GALR1: variants seen among roughly 807,000 people sequenced by gnomAD.
GALR1 encodes galanin receptor type 1.
In GALR1, 11 loss-of-function variants were observed where a neutral mutation model predicts 17.9. The ratio of observed to expected loss-of-function variants is 0.62; its 90% CI spans 0.39 to 1.02. GALR1 has a LOEUF of 1.02. Ranked by LOEUF, GALR1 falls within the 50% of genes least tolerant of loss-of-function variation. The probability of loss-of-function intolerance (pLI) is 0.01; values close to 1 mark genes in which losing one functional copy is unlikely to be tolerated. For missense variants in GALR1, 441 were observed against 456.9 expected, an observed-to-expected ratio of 0.97 and a Z score of 0.32; for synonymous variants, 206 against 205.7, an observed-to-expected ratio of 1.00 and a Z score of -0.01.
chr18:77,265,716 G>A lies in GALR1; in HGVS notation c.733-2869G>A, dbSNP rs139125557. 5.4e-3 allele frequency among the ~76,000 whole-genome samples: 815 copies of A among 152,266 alleles called. 36 individuals are homozygous for A. Among genetic ancestry groups the A allele is most frequent in the Admixed American group, 0.049 (750 of 15,292 alleles). ...TCCCCAACCTCAATTCTTGACTTCC[G>A]TGCACCTGCAGGCCCAACCTCATGG... On this transcript the variant is annotated intron_variant, in intron 2 of 2. Transcript: ENST00000299727.
rs112026292 is a variant in GALR1 at position 77,255,459 on chromosome 18, G to A, written c.667-699G>A. 8.6e-3 allele frequency among the ~76,000 whole-genome samples: 1,317 copies of A among 152,262 alleles called. 10 individuals carry two copies. Among genetic ancestry groups the A allele is most frequent in the South Asian group, 0.03 (145 of 4,822 alleles). ...AAATGTTCTGTAAATCATCAGTGAC[G>A]CTGAATCCCCAATAAGTTGTCTGAA... On this transcript the variant is annotated intron_variant, in intron 1 of 2. Transcript: ENST00000299727.
Position 77,250,761 on chromosome 18 carries a change from C to T in GALR1, c.213C>T (p.Asn71=). 6.2e-7 allele frequency: 1 copy of T among 1,613,996 alleles called. No individual in the cohort carries two copies. The highest frequency in any genetic ancestry group is 8.5e-7 in the Non-Finnish European group (1 of 1,180,002). The part of the protein sequence containing the change: ...SKPGKPRSTT[N]LFILNLSIAD... Reference sequence around the variant, plus strand: ...CGGGCAAGCCGCGGAGCACCACCAACCTGTTCATCCTCAACCTGAGCATCG... The same window carrying T: ...CGGGCAAGCCGCGGAGCACCACCAATCTGTTCATCCTCAACCTGAGCATCG... The change falls in exon 1 of 3, where the codon AAC becomes AAT. Residue 71 remains asparagine, a synonymous_variant. Transcript: ENST00000299727.
In GALR1 at chr18:77,269,981, AT is replaced by A. The variant is rs1392955226; in HGVS notation, c.*1080del. ...TTCATTAAATTTGTAATGATGTTTA[AT>A]GAACATTTCCACCAAACATTATTTC... On this transcript the variant is annotated 3_prime_UTR_variant, in exon 3 of 3. Transcript: ENST00000299727. 2 of 152,218 alleles carry A rather than the reference AT, an allele frequency of 1.3e-5. No homozygotes were observed. The highest frequency in any genetic ancestry group is 2.9e-5 in the Non-Finnish European group (2 of 68,032). The allele number at this position is 152,218 out of a possible 1,614,324, so 9.4% of individuals were successfully genotyped here. A position where few individuals can be genotyped will look rare whatever the true frequency, so the allele number is the denominator to read the frequency against.
intron 2 of GALR1, among the ~76,000 whole-genome samples, chr18:77,262,462 G>C (rs1912853669): frequency 6.6e-6 from 1 of 152,204 alleles, no homozygotes; most frequent in South Asian, 2.1e-4. Flanking sequence ...TCCGTTGCAA[G>C]GGAAGAATGA....
At chr18:77,253,034 T>A (rs867514280) in intron 1 of GALR1, among the ~76,000 whole-genome samples, 2 of 43,926 alleles carry the variant, frequency 4.6e-5, no homozygotes, top group Admixed American at 2.7e-4. Flanking sequence ...ATCACCACCA[T>A]CACCACCACC....
chr18:77,252,981 CACCACCAT>C, intron 1 of GALR1, among the ~76,000 whole-genome samples: 1 of 64,764 alleles, frequency 1.5e-5, no homozygotes, highest in African/African-American at 5.5e-5. Flanking sequence ...TCACCACCAT[CACCACCAT>C]CACCACCACC....
rs1390255395 is a variant in GALR1, at chr18:77,250,651, G to C, written c.103G>C (p.Val35Leu). 6.2e-7 allele frequency: 1 copy of C among 1,606,560 alleles called. No individual in the cohort carries two copies. ...PLFGIGVENFVTLVVFGLIFA... is the reference protein window; with the variant it reads ...PLFGIGVENFLTLVVFGLIFA... ...GTTCGGCATCGGCGTGGAGAACTTC[G>C]TCACGCTGGTGGTGTTCGGCCTGAT... The change falls in exon 1 of 3, where the codon GTC becomes CTC. Residue 35 changes from valine to leucine, a missense_variant. Transcript: ENST00000299727.
rs116263646 is a variant in GALR1, at chr18:77,271,251, C to G, written c.*2349C>G. Reference sequence around the variant, plus strand: ...AGTAATAGCTTGCGCTTGAAACCCCCCCCCCCCCGCCACTTTGCTAAATGT... The same window carrying G: ...AGTAATAGCTTGCGCTTGAAACCCCGCCCCCCCCGCCACTTTGCTAAATGT... On this transcript the variant is annotated 3_prime_UTR_variant, in exon 3 of 3. Transcript: ENST00000299727. 21 of 124,206 alleles carry G rather than the reference C, an allele frequency of 1.7e-4. No individual in the cohort carries two copies. The East Asian group carries it at 1.7e-3, about 10-fold the overall frequency. 7.7% of individuals were successfully genotyped at this position (124,206 alleles called of 1,614,324 possible).
chr18:77,250,764 G>C lies in GALR1; in HGVS notation c.216G>C (p.Leu72=), dbSNP rs752996825. The C allele has an allele frequency of 1.2e-5, 20 of 1,613,982 alleles. No individual in the cohort carries two copies. Among genetic ancestry groups the C allele is most frequent in the Non-Finnish European group, 1.6e-5 (19 of 1,180,016 alleles). ...KPGKPRSTTN[L]FILNLSIADL... Reference sequence around the variant, plus strand: ...GCAAGCCGCGGAGCACCACCAACCTGTTCATCCTCAACCTGAGCATCGCCG... The same window carrying C: ...GCAAGCCGCGGAGCACCACCAACCTCTTCATCCTCAACCTGAGCATCGCCG... Residue 72 remains leucine, a synonymous_variant, in exon 1 of 3, where the codon CTG becomes CTC. Coordinates refer to ENST00000299727, the MANE Select transcript of GALR1 (RefSeq NM_001480.4).
intron 1 of GALR1, among the ~76,000 whole-genome samples, chr18:77,252,338 C>G (rs1912437547): frequency 6.6e-6 from 1 of 152,232 alleles, no homozygotes; most frequent in African/African-American, 2.4e-5. Context: ...TTACCAGTTC[C>G]ACCCGACTTC....
chr18:77,263,198 A>G (rs1039971571), intron 2 of GALR1, among the ~76,000 whole-genome samples: 1 of 152,220 alleles, frequency 6.6e-6, no homozygotes, highest in Non-Finnish European at 1.5e-5. Flanking sequence ...TTATATCTAG[A>G]TTGTTTTGAT....
rs559599847 is a variant in GALR1 at position 77,261,984 on chromosome 18, C to T, written c.732+5761C>T. Among the ~76,000 whole-genome samples, 70 of 152,086 alleles carry T rather than the reference C, an allele frequency of 4.6e-4. No individual in the cohort carries two copies. The South Asian group carries it at 0.011, about 25-fold the overall frequency. ...GACTACACGTGCACACTGCTGCACC[C>T]GGCTAAGTTATTTGAAAACATTTTT... is the stretch of plus-strand genomic sequence containing the variant. On this transcript the variant is annotated intron_variant, in intron 2 of 2. Coordinates refer to ENST00000299727, the MANE Select transcript of GALR1 (RefSeq NM_001480.4).
intron 1 of GALR1, among the ~76,000 whole-genome samples, chr18:77,252,120 G>A (rs1168451868): frequency 2.0e-5 from 3 of 152,188 alleles, no homozygotes; most frequent in African/African-American, 7.2e-5. Flanking sequence ...CAGCCGGGCA[G>A]AGCTCAGCAC....
rs1568146109 is a variant in GALR1 at position 77,274,185 on chromosome 18, GC to G, written c.*5284del. The stretch of plus-strand genomic sequence containing the variant: ...TGCTGGCTAGATTGTCCAAAAACAA[GC>G]TCACTTGTTTTTGGGCAATCTAGCC... On this transcript the variant is annotated 3_prime_UTR_variant, in exon 3 of 3. Coordinates refer to ENST00000299727, the MANE Select transcript of GALR1 (RefSeq NM_001480.4). 1.3e-5 allele frequency: 2 copies of G among 152,086 alleles called. No individual in the cohort carries two copies. The highest frequency in any genetic ancestry group is 6.5e-5 in the Admixed American group (1 of 15,296). The allele number at this position is 152,086 out of a possible 1,614,324, so 9.4% of individuals were successfully genotyped here.
Position 77,273,788 on chromosome 18 carries a change from T to C in GALR1, c.*4886T>C, listed in dbSNP as rs1298724800. The C allele has an allele frequency of 1.3e-5, 2 of 152,304 alleles. No individual in the cohort carries two copies. The highest frequency in any genetic ancestry group is 2.9e-5 in the Non-Finnish European group (2 of 68,014). 9.4% of individuals were successfully genotyped at this position (152,304 alleles called of 1,614,324 possible). ...CAGACAATTGCTTGAAGAGCTGAAC[T>C]GTTAGCTCAAGATTTCGTTGGCACT... is the stretch of plus-strand genomic sequence containing the variant. On this transcript the variant is annotated 3_prime_UTR_variant, in exon 3 of 3. Coordinates refer to ENST00000299727, the MANE Select transcript of GALR1 (RefSeq NM_001480.4).
Position 77,251,056 on chromosome 18 carries a change from G to A in GALR1, c.508G>A (p.Val170Met), listed in dbSNP as rs773124766. ...GCTGTCCATTGCCATGGCCTCGCCCGTGGCCTACCACCAGGGCCTCTTCCA... is the reference window on the plus strand; with the variant it reads ...GCTGTCCATTGCCATGGCCTCGCCCATGGCCTACCACCAGGGCCTCTTCCA... Reference protein sequence around the residue: ...WALSIAMASPVAYHQGLFHPR... With the variant: ...WALSIAMASPMAYHQGLFHPR... Residue 170 changes from valine to methionine, a missense_variant, in exon 1 of 3, where the codon GTG (valine) becomes ATG (methionine). By Grantham distance (21) the Val-to-Met change is conservative. Coordinates refer to ENST00000299727, the MANE Select transcript of GALR1 (RefSeq NM_001480.4). 1.9e-5 allele frequency: 30 copies of A among 1,607,870 alleles called. No individual in the cohort carries two copies. The highest frequency in any genetic ancestry group is 2.3e-5 in the Non-Finnish European group (27 of 1,179,892).
At position 77,275,915 on chromosome 18, in the gene GALR1, A is replaced by G. The variant is rs985302093; in HGVS notation, c.*7013A>G. The G allele has an allele frequency of 1.3e-5, 2 of 152,186 alleles. No homozygotes were observed. The highest frequency in any genetic ancestry group is 2.1e-4 in the South Asian group (1 of 4,830). 9.4% of individuals were successfully genotyped at this position (152,186 alleles called of 1,614,324 possible). A position where few individuals can be genotyped will look rare whatever the true frequency, so the allele number is the denominator to read the frequency against. On this transcript the variant is annotated 3_prime_UTR_variant, in exon 3 of 3. Transcript: ENST00000299727. Reference sequence around the variant, plus strand: ...CGTGCCCTGTGTTCTTAACAGCCTCATGGGGCCTAGAGGAACTTTTACATG... The same window carrying G: ...CGTGCCCTGTGTTCTTAACAGCCTCGTGGGGCCTAGAGGAACTTTTACATG...
At chr18:77,261,061 A>G (rs1226314739) in intron 2 of GALR1, among the ~76,000 whole-genome samples, 2 of 151,132 alleles carry the variant, frequency 1.3e-5, no homozygotes, top group Non-Finnish European at 2.9e-5. Flanking sequence ...GCCAAATTCC[A>G]TTAGACATAT....
At chr18:77,259,483 A>T (rs1276345596) in intron 2 of GALR1, among the ~76,000 whole-genome samples, 1 of 104,542 alleles carries the variant, frequency 9.6e-6, no homozygotes, top group Non-Finnish European at 2.0e-5. Flanking sequence ...GGCGATTGTG[A>T]TGGTGATGGT....
Sources: allele counts gnomAD v4.1 joint callset (sites outside exome capture counted in the v4.1 genomes callset), GRCh38; gene constraint gnomAD v4.1.1; transcripts MANE v1.5; gene names NCBI Gene and HGNC (gene_info 2026-07-23, HGNC 2026-07-21).